Variants in CNTNAP2 observed in about 807,000 individuals in gnomAD.
CNTNAP2 encodes contactin-associated protein-like 2.
CNTNAP2 carries 98 observed loss-of-function variants against 155.2 expected under a neutral mutation model. That is an observed-to-expected ratio of 0.63 (90% CI 0.54 to 0.75). The LOEUF (loss-of-function observed/expected upper bound fraction) is 0.75, where lower values mean the gene tolerates loss of function less well. Among genes scored for constraint, CNTNAP2 ranks in the 30% least tolerant of loss-of-function variants. CNTNAP2 has a pLI of 0.00. For missense variants in CNTNAP2, 1,727 were observed against 1,688.1 expected, an observed-to-expected ratio of 1.02 and a Z score of -0.40; for synonymous variants, 651 against 631.2, an observed-to-expected ratio of 1.03 and a Z score of -0.47.
chr7:146,935,752 A>T (rs978320395), intron 3 of CNTNAP2, among the ~76,000 whole-genome samples: 2 of 152,192 alleles, frequency 1.3e-5, no homozygotes, highest in Non-Finnish European at 2.9e-5. Context: ...TGGAGAAAGC[A>T]TTGGGTATTA....
At chr7:146,938,200 A>G (rs1796965453) in intron 3 of CNTNAP2, among the ~76,000 whole-genome samples, 2 of 152,230 alleles carry the variant, frequency 1.3e-5, no homozygotes, top group African/African-American at 4.8e-5. Context: ...TCTATAATCT[A>G]AGAAGCTGAA....
chr7:147,447,800 T>C (rs1797765548), intron 10 of CNTNAP2, among the ~76,000 whole-genome samples: 1 of 151,514 alleles, frequency 6.6e-6, no homozygotes, highest in South Asian at 2.1e-4. Context: ...AATAAATATA[T>C]ATAGTATATA....
intron 18 of CNTNAP2, among the ~76,000 whole-genome samples, chr7:148,185,117 C>T (rs1400723628): frequency 6.6e-6 from 1 of 152,154 alleles, no homozygotes; most frequent in Non-Finnish European, 1.5e-5. Context: ...CATTAGTGCT[C>T]GCCCGTCTCT....
chr7:146,911,867 A>G (rs943398297), intron 3 of CNTNAP2, among the ~76,000 whole-genome samples: 19 of 152,182 alleles, frequency 1.2e-4, no homozygotes, highest in Non-Finnish European at 8.8e-5. Context: ...TAACCATTAT[A>G]TATAATACAT....
chr7:147,125,838 A>G (rs944187686), intron 6 of CNTNAP2, among the ~76,000 whole-genome samples: 9 of 152,204 alleles, frequency 5.9e-5, no homozygotes, highest in Non-Finnish European at 1.3e-4. Context: ...GTGAGTTAAG[A>G]TTACATAGGC....
intron 8 of CNTNAP2, among the ~76,000 whole-genome samples, chr7:147,294,978 T>C (rs1166882948): frequency 1.3e-5 from 2 of 152,162 alleles, no homozygotes; most frequent in Admixed American, 1.3e-4. Flanking sequence ...AATTATTAAA[T>C]GTGTCTCAGC....
At chr7:147,500,886 T>A (rs554187380) in intron 11 of CNTNAP2, among the ~76,000 whole-genome samples, 1 of 152,186 alleles carries the variant, frequency 6.6e-6, no homozygotes, top group Non-Finnish European at 1.5e-5. Flanking sequence ...ACTCATTTTA[T>A]GAGTCCAGCA....
Position 147,243,154 on chromosome 7 carries a change from G to A in CNTNAP2, c.1349-56987G>A, listed in dbSNP as rs1031053935. On this transcript the variant is annotated intron_variant, in intron 8 of 23. Transcript: ENST00000361727. ...TGGGACTACAGGGGCCCACCACCAC[G>A]CCCGGCTAATTTTTTTGTATTTTGG... is the stretch of plus-strand genomic sequence containing the variant. 3.3e-5 allele frequency among the ~76,000 whole-genome samples: 5 copies of A among 151,124 alleles called. No homozygotes were observed. The East Asian group carries it at 7.8e-4, about 24-fold the overall frequency.
At chr7:147,748,171 A>G (rs960186630) in intron 13 of CNTNAP2, among the ~76,000 whole-genome samples, 1 of 152,244 alleles carries the variant, frequency 6.6e-6, no homozygotes, top group Non-Finnish European at 1.5e-5. Context: ...CAACAAGCTA[A>G]GAAAAACTAG....
intron 3 of CNTNAP2, among the ~76,000 whole-genome samples, chr7:146,886,858 G>A (rs1358268259): frequency 6.6e-6 from 1 of 151,110 alleles, no homozygotes; most frequent in Non-Finnish European, 1.5e-5. Flanking sequence ...TAACACAAGT[G>A]TTATAAACTC....
chr7:147,434,293 G>GA (rs1057506397), intron 10 of CNTNAP2, among the ~76,000 whole-genome samples: 2 of 152,154 alleles, frequency 1.3e-5, no homozygotes, highest in African/African-American at 2.4e-5. Flanking sequence ...GTAGATATAT[G>GA]AAAATAGGAC....
chr7:147,075,892 T>C (rs951699259), intron 4 of CNTNAP2, among the ~76,000 whole-genome samples: 7 of 152,202 alleles, frequency 4.6e-5, no homozygotes, highest in Admixed American at 4.6e-4. Context: ...TTTGGTTTTC[T>C]GTACCTGCGA....
At chr7:147,717,092 G>T (rs952704462) in intron 13 of CNTNAP2, among the ~76,000 whole-genome samples, 2 of 152,062 alleles carry the variant, frequency 1.3e-5, no homozygotes, top group Non-Finnish European at 2.9e-5. Flanking sequence ...AAATCTGGGT[G>T]AAGTAGGCCT....
At chr7:147,850,399 AG>A (rs1295686652) in intron 13 of CNTNAP2, among the ~76,000 whole-genome samples, 9 of 152,268 alleles carry the variant, frequency 5.9e-5, no homozygotes, top group Admixed American at 5.9e-4. Context: ...CTTTCTTCAC[AG>A]AATTGGAAAA....
At chr7:146,555,814 T>G (rs1015855654) in intron 1 of CNTNAP2, among the ~76,000 whole-genome samples, 2 of 152,154 alleles carry the variant, frequency 1.3e-5, no homozygotes, top group Admixed American at 1.3e-4. Flanking sequence ...CAATTAATAT[T>G]GGGTGACCTG....
intron 1 of CNTNAP2, among the ~76,000 whole-genome samples, chr7:146,423,228 T>C (rs572726875): frequency 1.3e-5 from 2 of 152,286 alleles, no homozygotes; most frequent in Non-Finnish European, 1.5e-5. Flanking sequence ...TAAAATAACA[T>C]ATTGAACTTT....
chr7:147,221,494 T>C (rs1803397917), intron 8 of CNTNAP2, among the ~76,000 whole-genome samples: 1 of 152,124 alleles, frequency 6.6e-6, no homozygotes, highest in Admixed American at 6.5e-5. Flanking sequence ...GGTCCATGCT[T>C]CTGCTGTCTC....
intron 21 of CNTNAP2, among the ~76,000 whole-genome samples, chr7:148,330,149 G>A (rs62470602): frequency 1.7e-5 from 2 of 119,688 alleles, no homozygotes; most frequent in Non-Finnish European, 3.6e-5. Flanking sequence ...ATGGATGGAT[G>A]GAGTGGATGG....
intron 21 of CNTNAP2, among the ~76,000 whole-genome samples, chr7:148,344,335 T>G (rs1444906144): frequency 1.3e-5 from 2 of 152,172 alleles, no homozygotes; most frequent in African/African-American, 4.8e-5. Context: ...GTCAATCGAT[T>G]GATGAATTCA....
Sources: allele counts gnomAD v4.1 joint callset (sites outside exome capture counted in the v4.1 genomes callset), GRCh38; gene constraint gnomAD v4.1.1; transcripts MANE v1.5; gene names NCBI Gene and HGNC (gene_info 2026-07-23, HGNC 2026-07-21).